Variants in PTK2 observed in about 807,000 individuals in gnomAD.
PTK2 encodes focal adhesion kinase 1.
In PTK2, 45 loss-of-function variants were observed where a neutral mutation model predicts 150.1. That is an observed-to-expected ratio of 0.30 (90% CI 0.24 to 0.38). The LOEUF is 0.38. Ranked by LOEUF, PTK2 falls within the 10% of genes least tolerant of loss-of-function variation. PTK2 has a pLI of 1.00. For missense variants in PTK2, 919 were observed against 1,307.3 expected (o/e 0.70, Z 4.58); for synonymous variants, 432 against 449.2 (o/e 0.96, Z 0.48).
intron 14 of PTK2, among the ~76,000 whole-genome samples, chr8:140,775,532 G>A (rs1595082618): frequency 6.6e-6 from 1 of 151,642 alleles, no homozygotes; most frequent in Non-Finnish European, 1.5e-5. Context: ...TTTTTAAGAC[G>A]GGGTTTTGCT....
intron 14 of PTK2, among the ~76,000 whole-genome samples, chr8:140,786,929 G>A (rs1024511167): frequency 6.6e-6 from 1 of 152,094 alleles, no homozygotes; most frequent in Non-Finnish European, 1.5e-5. Context: ...GAGGATGGGA[G>A]AGCCACAGCC....
chr8:140,798,246 G>A (rs1394978794), intron 12 of PTK2, among the ~76,000 whole-genome samples: 2 of 152,116 alleles, frequency 1.3e-5, no homozygotes, highest in Non-Finnish European at 2.9e-5. Flanking sequence ...TACATGTGCT[G>A]TGTTCACATG....
chr8:140,954,053 C>T (rs1434207449), intron 1 of PTK2, among the ~76,000 whole-genome samples: 6 of 152,006 alleles, frequency 3.9e-5, no homozygotes, highest in African/African-American at 9.7e-5. Flanking sequence ...CTGTAACCTC[C>T]ACCTCCTCCT....
At chr8:140,850,716 C>T (rs1015613911) in intron 5 of PTK2, among the ~76,000 whole-genome samples, 5 of 151,884 alleles carry the variant, frequency 3.3e-5, no homozygotes, top group Non-Finnish European at 7.4e-5. Flanking sequence ...GGCGACAGAG[C>T]GAGACTCCAT....
At chr8:140,796,631 G>A (rs540205297) in intron 12 of PTK2, among the ~76,000 whole-genome samples, 1 of 152,240 alleles carries the variant, frequency 6.6e-6, no homozygotes, top group South Asian at 2.1e-4. Context: ...AACAACAGAA[G>A]GATTCTGAGA....
intron 27 of PTK2, among the ~76,000 whole-genome samples, chr8:140,676,654 G>A (rs918022892): frequency 2.0e-5 from 3 of 148,346 alleles, no homozygotes; most frequent in African/African-American, 5.0e-5. Context: ...GGCGCCAGGT[G>A]CAGTGGCTCA....
At chr8:140,840,108 G>C (rs1350731053) in intron 7 of PTK2, among the ~76,000 whole-genome samples, 1 of 152,182 alleles carries the variant, frequency 6.6e-6, no homozygotes, top group Non-Finnish European at 1.5e-5. Flanking sequence ...GCCCAGGCTG[G>C]AGTGCAGTGG....
At position 140,793,335 on chromosome 8, in the gene PTK2, C is replaced by T. The variant is rs778297873; in HGVS notation, c.1124+19G>A. The T allele has an allele frequency of 1.9e-5, 30 of 1,597,880 alleles. No homozygotes were observed. The African/African-American group carries it at 3.4e-4, about 18-fold the overall frequency. On this transcript the variant is annotated intron_variant, in intron 13 of 31. Coordinates refer to ENST00000522684, the Ensembl canonical transcript of PTK2. ...TTTCCAACAAAACAAAATAACAGTA[C>T]AAAAAAAGCAGTACTTACTTTGGTA...
intron 2 of PTK2, among the ~76,000 whole-genome samples, chr8:140,911,985 C>T (rs371560194): frequency 2.8e-4 from 42 of 152,248 alleles, no homozygotes; most frequent in African/African-American, 9.4e-4. Flanking sequence ...ATAATACAAG[C>T]ACTTTGGGAG....
At chr8:140,700,825 A>C (rs1380490930) in intron 26 of PTK2, 66 bp downstream of exon 29, 2 of 1,545,962 alleles carry the variant, frequency 1.3e-6, no homozygotes, top group Non-Finnish European at 8.8e-7. Flanking sequence ...TTTTGCAATA[A>C]TTTGCAATAT....
intron 12 of PTK2, among the ~76,000 whole-genome samples, chr8:140,800,051 C>T (rs541050397): frequency 3.9e-4 from 59 of 152,180 alleles, no homozygotes; most frequent in African/African-American, 1.4e-3. Context: ...TCTTTGAATG[C>T]TCTAAGCTTT....
At chr8:140,948,323 T>G (rs1236104228) in intron 1 of PTK2, among the ~76,000 whole-genome samples, 1 of 152,078 alleles carries the variant, frequency 6.6e-6, no homozygotes, top group East Asian at 1.9e-4. Flanking sequence ...AATACAAATG[T>G]AAAAATCCCA....
intron 2 of PTK2, among the ~76,000 whole-genome samples, chr8:140,897,378 A>C (rs1304055254): frequency 6.6e-6 from 1 of 152,206 alleles, no homozygotes; most frequent in Non-Finnish European, 1.5e-5. Flanking sequence ...AAGAAAAAAA[A>C]AAGGAATGTT....
chr8:140,890,286 G>T, intron 3 of PTK2: 5 of 358,662 alleles, frequency 1.4e-5, no homozygotes, highest in Non-Finnish European at 2.5e-5. Context: ...AAAAAACCTA[G>T]AAGGGAAAAA....
At chr8:140,896,652 A>C (rs1050659167) in intron 2 of PTK2, among the ~76,000 whole-genome samples, 4 of 152,172 alleles carry the variant, frequency 2.6e-5, no homozygotes, top group African/African-American at 9.7e-5. Context: ...ATGAAATGTA[A>C]ATACTAGTGG....
At chr8:140,993,792 CA>C (rs1295853370) in intron 1 of PTK2, among the ~76,000 whole-genome samples, 1 of 152,080 alleles carries the variant, frequency 6.6e-6, no homozygotes, top group African/African-American at 2.4e-5. Context: ...TGCAATGGTG[CA>C]ATCTCAGCTC....
chr8:140,682,157 G>T (rs967493626), intron 27 of PTK2, among the ~76,000 whole-genome samples: 8 of 152,128 alleles, frequency 5.3e-5, no homozygotes, highest in Non-Finnish European at 7.4e-5. Context: ...TGGGCCAGGT[G>T]GATCACTTGA....
chr8:140,845,674 G>A (rs1387145087), intron 7 of PTK2, among the ~76,000 whole-genome samples: 1 of 152,008 alleles, frequency 6.6e-6, no homozygotes, highest in Non-Finnish European at 1.5e-5. Flanking sequence ...TTTTATTTCC[G>A]AATCTCTGGC....
chr8:140,840,353 G>A (rs909510187), intron 7 of PTK2, among the ~76,000 whole-genome samples: 1 of 152,110 alleles, frequency 6.6e-6, no homozygotes, highest in Non-Finnish European at 1.5e-5. Flanking sequence ...CCCAATATAG[G>A]ATGTTTAAGA....
Sources: gnomAD v4.1 joint callset for allele counts (sites outside exome capture counted in the v4.1 genomes callset) on GRCh38, gnomAD v4.1.1 for gene constraint, MANE v1.5 for transcripts, NCBI Gene and HGNC (gene_info 2026-07-23, HGNC 2026-07-21) for gene names.